FMN1: variants seen among roughly 807,000 people sequenced by gnomAD.
FMN1 encodes formin 1, also known as formin-1.
Under a neutral mutation model 132.4 loss-of-function variants are expected in FMN1, and 110 were observed. The ratio of observed to expected loss-of-function variants is 0.83; its 90% CI spans 0.71 to 0.97. The LOEUF (loss-of-function observed/expected upper bound fraction) is 0.97. Ranked by LOEUF, FMN1 falls within the 50% of genes least tolerant of loss-of-function variation. The pLI is 0.00. For missense variants in FMN1, 1,792 were observed against 1,705.3 expected (o/e 1.05, Z -0.90); for synonymous variants, 722 against 651.7 (o/e 1.11, Z -1.64).
chr15:32,981,374 C>T (rs926953410), intron 7 of FMN1, among the ~76,000 whole-genome samples: 7 of 151,348 alleles, frequency 4.6e-5, no homozygotes, highest in African/African-American at 1.7e-4. Flanking sequence ...CACTTGTAGT[C>T]CCAGCCGGTG....
At chr15:33,140,144 A>G (rs1963945663) in intron 4 of FMN1, among the ~76,000 whole-genome samples, 1 of 151,996 alleles carries the variant, frequency 6.6e-6, no homozygotes, top group Non-Finnish European at 1.5e-5. Context: ...TTAACAACAA[A>G]GACAAATAAA....
chr15:32,818,943 A>C (rs915928935), intron 17 of FMN1, among the ~76,000 whole-genome samples: 2 of 151,350 alleles, frequency 1.3e-5, no homozygotes, highest in Admixed American at 6.6e-5. Context: ...AAAAAAAAAA[A>C]GGCTCATGAA....
intron 6 of FMN1, among the ~76,000 whole-genome samples, chr15:33,026,410 T>TCTCACACACACACACACACACA (rs1555384314): frequency 2.9e-5 from 4 of 140,116 alleles, no homozygotes; most frequent in Admixed American, 7.4e-5. Flanking sequence ...GTCCAAATTT[T>TCTCACACACACACACACACACA]CACACACACA....
intron 16 of FMN1, among the ~76,000 whole-genome samples, chr15:32,870,085 G>T (rs1331576017): frequency 6.6e-6 from 1 of 152,230 alleles, no homozygotes; most frequent in Non-Finnish European, 1.5e-5. Context: ...GGCCATGGAA[G>T]TGTTGTTTTC....
chr15:32,839,757 G>T (rs925383551), intron 17 of FMN1, among the ~76,000 whole-genome samples: 3 of 150,724 alleles, frequency 2.0e-5, no homozygotes, highest in African/African-American at 4.9e-5. Flanking sequence ...ATAAGATTAG[G>T]CTTGAAAAAA....
At chr15:32,786,930 C>T (rs879066644) in intron 19 of FMN1, among the ~76,000 whole-genome samples, 1 of 152,122 alleles carries the variant, frequency 6.6e-6, no homozygotes, top group Non-Finnish European at 1.5e-5. Context: ...GTTCCCAGAG[C>T]GAAATTGTTT....
intron 3 of FMN1, among the ~76,000 whole-genome samples, chr15:33,175,735 T>A (rs990301036): frequency 6.6e-6 from 1 of 152,090 alleles, no homozygotes; most frequent in African/African-American, 2.4e-5. Context: ...ACTCTTCCCA[T>A]CCCACACACA....
intron 7 of FMN1, among the ~76,000 whole-genome samples, chr15:32,985,423 G>T (rs995565784): frequency 1.3e-5 from 2 of 151,998 alleles, no homozygotes; most frequent in Non-Finnish European, 2.9e-5. Flanking sequence ...GTTCACTGAT[G>T]TATCACTGTA....
intron 9 of FMN1, among the ~76,000 whole-genome samples, chr15:32,939,696 G>A (rs1596313698): frequency 6.6e-6 from 1 of 151,904 alleles, no homozygotes; most frequent in South Asian, 2.1e-4. Context: ...ACTAATATTG[G>A]GTATTTAGTC....
chr15:32,796,725 C>T (rs937055109), intron 19 of FMN1, among the ~76,000 whole-genome samples: 2 of 152,158 alleles, frequency 1.3e-5, no homozygotes, highest in African/African-American at 2.4e-5. Flanking sequence ...AAAGTTCTCA[C>T]TTTAGGATTT....
chr15:33,112,797 G>A (rs1358051229), intron 4 of FMN1, among the ~76,000 whole-genome samples: 1 of 152,160 alleles, frequency 6.6e-6, no homozygotes, highest in Non-Finnish European at 1.5e-5. Context: ...GCTAGGAAGT[G>A]GTGTGGGTAA....
At chr15:33,168,809 T>A (rs977254044) in intron 3 of FMN1, among the ~76,000 whole-genome samples, 1 of 152,212 alleles carries the variant, frequency 6.6e-6, no homozygotes, top group Non-Finnish European at 1.5e-5. Context: ...CCGCTATTCC[T>A]TGATATTGGA....
chr15:33,068,142 T>G (rs1020023906), intron 5 of FMN1: 24 of 686,894 alleles, frequency 3.5e-5, no homozygotes, highest in Non-Finnish European at 4.0e-5. Context: ...GCTGCGCACC[T>G]TACTACACAC....
chr15:32,952,921 T>G (rs751580714), intron 9 of FMN1, among the ~76,000 whole-genome samples: 1 of 152,164 alleles, frequency 6.6e-6, no homozygotes, highest in Non-Finnish European at 1.5e-5. Context: ...TGGGTCAACG[T>G]AGAGTCTCAC....
chr15:33,127,400 A>C (rs1411775803), intron 4 of FMN1, among the ~76,000 whole-genome samples: 1 of 152,216 alleles, frequency 6.6e-6, no homozygotes, highest in African/African-American at 2.4e-5. Flanking sequence ...CCAGTCTCAA[A>C]GGATGGACCA....
At chr15:32,898,424 TGTTCA>T (rs952970178) in intron 15 of FMN1, among the ~76,000 whole-genome samples, 2 of 152,228 alleles carry the variant, frequency 1.3e-5, no homozygotes, top group African/African-American at 4.8e-5. Flanking sequence ...ATCTTCAGTC[TGTTCA>T]TAGATTCATT....
chr15:33,019,556 G>A (rs1282183787), intron 6 of FMN1, among the ~76,000 whole-genome samples: 1 of 152,184 alleles, frequency 6.6e-6, no homozygotes, highest in Non-Finnish European at 1.5e-5. Context: ...GGGAGGCTCT[G>A]GCAGCGCAGA....
chr15:32,971,174 T>C (rs1008409782), intron 7 of FMN1, among the ~76,000 whole-genome samples: 1 of 152,234 alleles, frequency 6.6e-6, no homozygotes. Context: ...TAAAATGAGA[T>C]ACTTCATATA....
At chr15:32,855,333 A>G (rs2059107295) in intron 17 of FMN1, among the ~76,000 whole-genome samples, 1 of 152,144 alleles carries the variant, frequency 6.6e-6, no homozygotes, top group South Asian at 2.1e-4. Context: ...GGACTTTCTT[A>G]GAACAGCTTC....
Sources: gnomAD v4.1 joint callset for allele counts (sites outside exome capture counted in the v4.1 genomes callset) on GRCh38, gnomAD v4.1.1 for gene constraint, MANE v1.5 for transcripts, NCBI Gene and HGNC (gene_info 2026-07-23, HGNC 2026-07-21) for gene names.